GPC6: variants seen among roughly 807,000 people sequenced by gnomAD.
GPC6 encodes the protein glypican 6.
Under a neutral mutation model 55.2 loss-of-function variants are expected in GPC6, and 14 were observed. That is an observed-to-expected ratio of 0.25 (90% confidence interval 0.17 to 0.40). The LOEUF is 0.40. GPC6 is among the 10% of genes least tolerant of loss of function. The probability of loss-of-function intolerance (pLI) is 1.00; values close to 1 mark genes in which losing one functional copy is unlikely to be tolerated. For missense variants in GPC6, 641 were observed against 708.5 expected, an observed-to-expected ratio of 0.90 and a Z score of 1.08; for synonymous variants, 278 against 259.6, an observed-to-expected ratio of 1.07 and a Z score of -0.68.
At chr13:93,445,215 C>T (rs1319158426) in intron 1 of GPC6, among the ~76,000 whole-genome samples, 1 of 152,096 alleles carries the variant, frequency 6.6e-6, no homozygotes, top group Non-Finnish European at 1.5e-5. Flanking sequence ...TGTTTCCTTT[C>T]TTTCGTTTCG....
At chr13:93,561,426 T>TATATATATATA (rs61094312) in intron 2 of GPC6, among the ~76,000 whole-genome samples, 15 of 143,480 alleles carry the variant, frequency 1.0e-4, no homozygotes, top group Non-Finnish European at 1.8e-4. Context: ...TATATATATA[T>TATATATATATA]TTGTTGCAGT....
rs1881430231 is a variant in GPC6 at position 94,408,002 on chromosome 13, A to G, written c.*4785A>G. ...ATTTCAAGAATGATCTTATAAATAAAGGAACCCATACAAACAAAGGTACCA... is the reference window on the plus strand; with the variant it reads ...ATTTCAAGAATGATCTTATAAATAAGGGAACCCATACAAACAAAGGTACCA... On this transcript the variant is annotated 3_prime_UTR_variant, in exon 9 of 9. Coordinates refer to ENST00000377047, the MANE Select transcript of GPC6 (RefSeq NM_005708.5). 6.6e-6 allele frequency among the ~76,000 whole-genome samples: 1 copy of G among 152,230 alleles called. No homozygotes were observed.
intron 1 of GPC6, among the ~76,000 whole-genome samples, chr13:93,304,663 C>T (rs898991172): frequency 3.9e-5 from 6 of 152,190 alleles, no homozygotes; most frequent in African/African-American, 1.4e-4. Flanking sequence ...TACTGCAGAA[C>T]GGAAGAGGGA....
At chr13:93,580,162 C>T (rs1455997132) in intron 2 of GPC6, among the ~76,000 whole-genome samples, 1 of 152,122 alleles carries the variant, frequency 6.6e-6, no homozygotes, top group Non-Finnish European at 1.5e-5. Context: ...TGAGGGCCTG[C>T]TTCATGGTTC....
chr13:94,304,420 A>G (rs1875831343), intron 5 of GPC6, among the ~76,000 whole-genome samples: 1 of 152,252 alleles, frequency 6.6e-6, no homozygotes, highest in Non-Finnish European at 1.5e-5. Context: ...GCGTGATGAA[A>G]AATGGTTGTT....
intron 5 of GPC6, among the ~76,000 whole-genome samples, chr13:94,299,174 G>A (rs895057765): frequency 1.2e-4 from 18 of 152,092 alleles, no homozygotes; most frequent in East Asian, 1.9e-4. Flanking sequence ...GTAATTCTGC[G>A]TAATCCTTAG....
At chr13:94,173,756 C>T (rs1004608141) in intron 4 of GPC6, among the ~76,000 whole-genome samples, 1 of 152,012 alleles carries the variant, frequency 6.6e-6, no homozygotes, top group African/African-American at 2.4e-5. Context: ...GTTTTGATTC[C>T]CCATCTGAAT....
At chr13:94,166,532 G>A (rs2138922384) in intron 4 of GPC6, among the ~76,000 whole-genome samples, 1 of 152,206 alleles carries the variant, frequency 6.6e-6, no homozygotes, top group South Asian at 2.1e-4. Flanking sequence ...ATTGGGTATT[G>A]TTTAATATGG....
At chr13:93,454,078 A>C (rs1335675725) in intron 1 of GPC6, among the ~76,000 whole-genome samples, 3 of 152,106 alleles carry the variant, frequency 2.0e-5, no homozygotes, top group Non-Finnish European at 4.4e-5. Flanking sequence ...GAGTATCCAC[A>C]CAAAGGTTCT....
At chr13:93,881,069 C>T (rs1006375208) in intron 3 of GPC6, among the ~76,000 whole-genome samples, 1 of 152,002 alleles carries the variant, frequency 6.6e-6, no homozygotes, top group African/African-American at 2.4e-5. Context: ...GCTTATTAGC[C>T]ACGACCTTGA....
At chr13:94,305,617 A>G (rs924657641) in intron 5 of GPC6, among the ~76,000 whole-genome samples, 36 of 152,336 alleles carry the variant, frequency 2.4e-4, no homozygotes, top group African/African-American at 8.4e-4. Flanking sequence ...TCAGCTGGGA[A>G]CATGACTCAG....
At chr13:93,490,514 GT>G (rs796098096) in intron 1 of GPC6, among the ~76,000 whole-genome samples, 9,284 of 35,264 alleles carry the variant, frequency 0.26, 740 homozygotes, top group Non-Finnish European at 0.28. Flanking sequence ...TTTTTTTTGA[GT>G]TTTTTTTTTT....
chr13:93,417,772 C>T (rs949067478), intron 1 of GPC6, among the ~76,000 whole-genome samples: 5 of 151,850 alleles, frequency 3.3e-5, no homozygotes, highest in Admixed American at 3.3e-4. Context: ...CAGATTAGAA[C>T]TGGGATGTAA....
At chr13:94,003,042 A>G (rs1881872809) in intron 3 of GPC6, among the ~76,000 whole-genome samples, 1 of 152,180 alleles carries the variant, frequency 6.6e-6, no homozygotes, top group Admixed American at 6.6e-5. Context: ...GACCAAGGAG[A>G]AGTGAATAAT....
At chr13:93,416,422 C>T (rs192881579) in intron 1 of GPC6, among the ~76,000 whole-genome samples, 13 of 152,048 alleles carry the variant, frequency 8.5e-5, no homozygotes, top group Non-Finnish European at 1.8e-4. Context: ...TGTGAATACA[C>T]AGTAGGTATA....
At chr13:94,349,836 T>A (rs141736284) in intron 6 of GPC6, among the ~76,000 whole-genome samples, 2 of 152,270 alleles carry the variant, frequency 1.3e-5, no homozygotes, top group Non-Finnish European at 2.9e-5. Flanking sequence ...TCTCGGGTGA[T>A]TCTTAACTAT....
At chr13:94,351,962 C>CAAAAAAAAAAAA (rs60206836) in intron 6 of GPC6, among the ~76,000 whole-genome samples, 1 of 101,542 alleles carries the variant, frequency 9.8e-6, no homozygotes, top group Non-Finnish European at 1.9e-5. Context: ...GAGAAGAAGG[C>CAAAAAAAAAAAA]AAAAAAAAAA....
chr13:93,934,098 C>G (rs1017634900), intron 3 of GPC6, among the ~76,000 whole-genome samples: 6 of 152,116 alleles, frequency 3.9e-5, no homozygotes, highest in Admixed American at 3.9e-4. Flanking sequence ...CTAGTTTCGC[C>G]ATGGTGAGAT....
rs191415766 is a variant in GPC6 at position 93,958,980 on chromosome 13, C to T, written c.712-68749C>T. 1.2e-4 allele frequency among the ~76,000 whole-genome samples: 19 copies of T among 152,128 alleles called. No homozygotes were observed. In the East Asian group the frequency reaches 3.3e-3, roughly 26 times the overall value. ...TTCTTGATTTTATTCTCAGCCTGGG[C>T]ATTATTGGTATATAGAAATGCTACT... On this transcript the variant is annotated intron_variant, in intron 3 of 8. Transcript: ENST00000377047.
Sources: gnomAD v4.1 joint callset for allele counts (sites outside exome capture counted in the v4.1 genomes callset) on GRCh38, gnomAD v4.1.1 for gene constraint, MANE v1.5 for transcripts, NCBI Gene and HGNC (gene_info 2026-07-23, HGNC 2026-07-21) for gene names.